The following HBS1L variants were observed in gnomAD, a reference collection of about 807,000 sequenced individuals.
The protein encoded by HBS1L is HBS1-like protein.
Under a neutral mutation model 88.9 loss-of-function variants are expected in HBS1L, and 55 were observed. The observed-to-expected ratio is 0.62, with a 90% CI of 0.50 to 0.77. The LOEUF (loss-of-function observed/expected upper bound fraction) is 0.77. Among genes scored for constraint, HBS1L ranks in the 30% least tolerant of loss-of-function variants. The pLI, the probability that HBS1L is intolerant of heterozygous loss-of-function variation, is 0.00. For synonymous variants in HBS1L, 267 were observed against 288.5 expected (o/e 0.93, Z 0.76); for missense variants, 741 against 829.3 (o/e 0.89, Z 1.31).
chr6:135,006,820 A>T (rs945849745), intron 4 of HBS1L, among the ~76,000 whole-genome samples: 1 of 152,108 alleles, frequency 6.6e-6, no homozygotes, highest in African/African-American at 2.4e-5. Context: ...GCGTATGTGC[A>T]TGTGTATGTG....
chr6:134,969,387 G>T, intron 15 of HBS1L, 49 bp from the exon 16 acceptor site: 1 of 1,165,326 alleles, frequency 8.6e-7, no homozygotes, highest in Non-Finnish European at 1.3e-6. Flanking sequence ...CAGTATCTCT[G>T]GCCTTTTCTT....
At chr6:135,014,574 GAACA>G (rs1426614307) in intron 4 of HBS1L, among the ~76,000 whole-genome samples, 1 of 152,144 alleles carries the variant, frequency 6.6e-6, no homozygotes, top group African/African-American at 2.4e-5. Context: ...GAGTAAGAAG[GAACA>G]GACATGAGAG....
At chr6:134,986,276 GC>G in intron 10 of HBS1L, 93 bp from the exon 11 acceptor site, 1 of 691,746 alleles carries the variant, frequency 1.4e-6, no homozygotes, top group Non-Finnish European at 2.6e-6. Context: ...GTTTGCAAAA[GC>G]AACAATGTAC....
At chr6:135,038,655 C>T (rs780688524) in intron 4 of HBS1L, among the ~76,000 whole-genome samples, 1 of 152,152 alleles carries the variant, frequency 6.6e-6, no homozygotes, top group Non-Finnish European at 1.5e-5. Flanking sequence ...GTAAACAAAT[C>T]GCCATACTCA....
At chr6:135,037,217 G>A in intron 4 of HBS1L, 1 of 1,551,870 alleles carries the variant, frequency 6.4e-7, no homozygotes, top group South Asian at 1.2e-5. Flanking sequence ...TGTGACAGGG[G>A]AAAGGATCCC....
At position 135,004,787 on chromosome 6, in the gene HBS1L, G is replaced by A. The variant is rs541872151; in HGVS notation, c.431-1945C>T. Among the ~76,000 whole-genome samples, 68 of 152,270 alleles carry A rather than the reference G, an allele frequency of 4.5e-4. 1 individual carries two copies. Among genetic ancestry groups the A allele is most frequent in the African/African-American group, 1.5e-3 (63 of 41,550 alleles). ...CCAAATGACAATGAACATCAAATAGGCAGTTGAACATGTTGGTTGACCTCA... is the reference window on the plus strand; with the variant it reads ...CCAAATGACAATGAACATCAAATAGACAGTTGAACATGTTGGTTGACCTCA... On this transcript the variant is annotated intron_variant, in intron 4 of 17. Transcript: ENST00000367837.
intron 4 of HBS1L, among the ~76,000 whole-genome samples, chr6:135,035,188 C>G (rs2114888894): frequency 6.6e-6 from 1 of 152,282 alleles, no homozygotes; most frequent in East Asian, 1.9e-4. Flanking sequence ...CGTGGTGGCT[C>G]ACACCTATAA....
chr6:134,992,581 CTTTG>C (rs1290923078), intron 8 of HBS1L, among the ~76,000 whole-genome samples: 1 of 151,938 alleles, frequency 6.6e-6, no homozygotes, highest in Non-Finnish European at 1.5e-5. Flanking sequence ...GTATTTGTGT[CTTTG>C]TTTTTCACCA....
rs148045233 is a variant in HBS1L at position 134,966,550 on chromosome 6, T to C, written c.1899-77A>G. ...TAATAATAACAACTTGAAAAACAAATATTTCACATTTAACCAACATATCAA... is the reference window on the plus strand; with the variant it reads ...TAATAATAACAACTTGAAAAACAAACATTTCACATTTAACCAACATATCAA... On this transcript the variant is annotated intron_variant, in intron 16 of 17. Transcript: ENST00000367837. 6.6e-4 allele frequency: 641 copies of C among 969,876 alleles called. 1 individual carries two copies. The highest frequency in any genetic ancestry group is 8.7e-4 in the Non-Finnish European group (595 of 686,530). The allele number at this position is 969,876 out of a possible 1,614,324, so 60.1% of individuals were successfully genotyped here. A position where few individuals can be genotyped will look rare whatever the true frequency, so the allele number is the denominator to read the frequency against.
At chr6:135,045,757 C>G (rs80257773) in intron 2 of HBS1L, among the ~76,000 whole-genome samples, 5,566 of 152,128 alleles carry the variant, frequency 0.037, 351 homozygotes, top group African/African-American at 0.13. Context: ...ACTGCTTGAA[C>G]CTGGGAGCCA....
chr6:135,047,814 G>A (rs1776958669), intron 2 of HBS1L, among the ~76,000 whole-genome samples: 1 of 152,084 alleles, frequency 6.6e-6, no homozygotes. Context: ...TGAGTGATGA[G>A]GATAGCACTA....
intron 4 of HBS1L, among the ~76,000 whole-genome samples, chr6:135,034,281 A>AGTAGC (rs1776466793): frequency 6.6e-6 from 1 of 152,250 alleles, no homozygotes; most frequent in African/African-American, 2.4e-5. Flanking sequence ...AAATTATCAA[A>AGTAGC]TGCACAGTAA....
intron 15 of HBS1L, among the ~76,000 whole-genome samples, chr6:134,973,221 T>C (rs572553328): frequency 6.6e-6 from 1 of 152,322 alleles, no homozygotes; most frequent in South Asian, 2.1e-4. Flanking sequence ...AAATGGATTT[T>C]TAAAAGGTGG....
chr6:134,981,209 A>T (rs1353110396), intron 13 of HBS1L, among the ~76,000 whole-genome samples: 4 of 151,986 alleles, frequency 2.6e-5, no homozygotes, highest in African/African-American at 7.2e-5. Flanking sequence ...CTCAAAAAAG[A>T]TCATTAACAT....
chr6:135,054,778 G>A lies in HBS1L; in HGVS notation c.-87C>T, dbSNP rs1777198728. 2 of 1,515,870 alleles carry A rather than the reference G, an allele frequency of 1.3e-6. No homozygotes were observed. Among genetic ancestry groups the A allele is most frequent in the Admixed American group, 1.8e-5 (1 of 56,234 alleles). 93.9% of individuals were successfully genotyped at this position (1,515,870 alleles called of 1,614,324 possible). ...CTGATAAGGCGCCAACTGCAGCCTG[G>A]AGAACCCCTATGCGCCATCTTGGCT... On this transcript the variant is annotated 5_prime_UTR_variant, in exon 1 of 18. Transcript: ENST00000367837.
intron 2 of HBS1L, among the ~76,000 whole-genome samples, chr6:135,048,584 G>C (rs59910720): frequency 0.037 from 5,581 of 152,276 alleles, 353 homozygotes; most frequent in African/African-American, 0.13. Context: ...GCTTCTAAAA[G>C]GTGGTTTCAA....
chr6:134,989,987 T>C (rs1381439737), intron 8 of HBS1L, among the ~76,000 whole-genome samples: 2 of 152,224 alleles, frequency 1.3e-5, no homozygotes, highest in Admixed American at 1.3e-4. Flanking sequence ...GGAGTAAATA[T>C]AGTTTATATA....
At position 134,960,413 on chromosome 6, in the gene HBS1L, C is replaced by G. The variant is rs901572968; in HGVS notation, c.*4866G>C. ...CTTTGCTATTTAAGTCCTCTATGAC[C>G]TTGTTTGTTTACATGATCTATAAGG... On this transcript the variant is annotated 3_prime_UTR_variant, in exon 18 of 18. Coordinates refer to ENST00000367837, the MANE Select transcript of HBS1L (RefSeq NM_006620.4). The G allele has an allele frequency of 2.0e-5, 3 of 152,070 alleles. No homozygotes were observed. The highest frequency in any genetic ancestry group is 4.4e-5 in the Non-Finnish European group (3 of 67,974). 9.4% of individuals were successfully genotyped at this position (152,070 alleles called of 1,614,324 possible).
intron 4 of HBS1L, among the ~76,000 whole-genome samples, chr6:135,006,149 TAAG>T (rs555063588): frequency 2.4e-4 from 37 of 152,292 alleles, no homozygotes; most frequent in Middle Eastern, 6.8e-3. Context: ...CCAACAGGTA[TAAG>T]AAGAAAGTAT....
Sources: gnomAD v4.1 joint callset for allele counts (sites outside exome capture counted in the v4.1 genomes callset) on GRCh38, gnomAD v4.1.1 for gene constraint, MANE v1.5 for transcripts, NCBI Gene and HGNC (gene_info 2026-07-23, HGNC 2026-07-21) for gene names.